FSTL5: variants seen among roughly 807,000 people sequenced by gnomAD.
FSTL5 encodes the protein follistatin-related protein 5.
Under a neutral mutation model 89.1 loss-of-function variants are expected in FSTL5, and 62 were observed. That is an observed-to-expected ratio of 0.70 (90% confidence interval 0.57 to 0.86). The LOEUF (loss-of-function observed/expected upper bound fraction) is 0.86, where lower values mean the gene tolerates loss of function less well. Ranked by LOEUF, FSTL5 falls within the 40% of genes least tolerant of loss-of-function variation. The pLI, the probability that FSTL5 is intolerant of heterozygous loss-of-function variation, is 0.00. For missense variants in FSTL5, 1,057 were observed against 1,001.6 expected (o/e 1.06, Z -0.75); for synonymous variants, 383 against 346.2 (o/e 1.11, Z -1.18).
intron 10 of FSTL5, among the ~76,000 whole-genome samples, chr4:161,516,856 G>T (rs1412437301): frequency 6.7e-6 from 1 of 150,334 alleles, no homozygotes; most frequent in Non-Finnish European, 1.5e-5. Context: ...AAGACTTTTT[G>T]AATCTCTTTA....
chr4:162,009,949 T>C (rs1157593098), intron 3 of FSTL5, among the ~76,000 whole-genome samples: 1 of 151,552 alleles, frequency 6.6e-6, no homozygotes, highest in Admixed American at 6.6e-5. Flanking sequence ...CTTGGTTTAT[T>C]TTTTGTTTGC....
intron 13 of FSTL5, among the ~76,000 whole-genome samples, chr4:161,476,716 A>G: frequency 6.6e-6 from 1 of 152,196 alleles, no homozygotes; most frequent in Non-Finnish European, 1.5e-5. Context: ...GAAAAATGAA[A>G]GAGGAGTATA....
intron 3 of FSTL5, among the ~76,000 whole-genome samples, chr4:161,976,791 AG>A (rs1735662664): frequency 6.6e-6 from 1 of 151,920 alleles, no homozygotes; most frequent in African/African-American, 2.4e-5. Flanking sequence ...AGGTGCAGTT[AG>A]GTTTTATAAG....
At chr4:162,000,574 G>A (rs1578934806) in intron 3 of FSTL5, among the ~76,000 whole-genome samples, 1 of 151,378 alleles carries the variant, frequency 6.6e-6, no homozygotes, top group Admixed American at 6.6e-5. Flanking sequence ...CTCCAGCCTG[G>A]GTGACAGAGC....
intron 4 of FSTL5, among the ~76,000 whole-genome samples, chr4:161,900,982 C>T (rs550391782): frequency 2.0e-5 from 3 of 151,994 alleles, no homozygotes; most frequent in African/African-American, 7.2e-5. Flanking sequence ...CTCTAGTAAA[C>T]TCGGTCATTT....
chr4:161,517,242 A>C (rs1362138507), intron 10 of FSTL5, among the ~76,000 whole-genome samples: 2 of 152,150 alleles, frequency 1.3e-5, no homozygotes, highest in African/African-American at 2.4e-5. Context: ...AAGACTTTGG[A>C]CTAAATAACT....
chr4:162,062,730 T>C (rs1282413913), intron 2 of FSTL5, among the ~76,000 whole-genome samples: 8 of 151,212 alleles, frequency 5.3e-5, no homozygotes, highest in Non-Finnish European at 1.2e-4. Context: ...ATGTTAAAAA[T>C]ATATATATGT....
chr4:161,933,995 C>A (rs975833485), intron 3 of FSTL5, among the ~76,000 whole-genome samples: 1 of 151,962 alleles, frequency 6.6e-6, no homozygotes, highest in Admixed American at 6.6e-5. Flanking sequence ...CTAATAACTA[C>A]CATTTTTCTA....
intron 7 of FSTL5, among the ~76,000 whole-genome samples, chr4:161,638,834 C>G (rs1387659850): frequency 7.5e-6 from 1 of 133,078 alleles, no homozygotes; most frequent in Non-Finnish European, 1.6e-5. Flanking sequence ...GGATGCAAGG[C>G]TGGTTCAATA....
intron 2 of FSTL5, among the ~76,000 whole-genome samples, chr4:162,090,457 C>T (rs539316368): frequency 4.6e-5 from 7 of 152,090 alleles, no homozygotes; most frequent in South Asian, 4.2e-4. Flanking sequence ...CAAAAAAAGA[C>T]GTGGATGCAC....
chr4:162,063,767 G>A (rs1260482866), intron 2 of FSTL5, among the ~76,000 whole-genome samples: 4 of 151,824 alleles, frequency 2.6e-5, no homozygotes, highest in African/African-American at 9.7e-5. Flanking sequence ...TGACAATAAT[G>A]CTTCTTCAGG....
chr4:162,124,230 A>G (rs1251312317), intron 1 of FSTL5, among the ~76,000 whole-genome samples: 1 of 152,218 alleles, frequency 6.6e-6, no homozygotes, highest in African/African-American at 2.4e-5. Context: ...CATTGAATTT[A>G]AGAAACACAG....
rs1037799918 is a variant in FSTL5 at position 161,936,406 on chromosome 4, TA to T, written c.161-15755del. On this transcript the variant is annotated intron_variant, in intron 3 of 15. Coordinates refer to ENST00000306100, the MANE Select transcript of FSTL5 (RefSeq NM_020116.5). ...ATCTTCTTAAACCCTTTGAGACAAC[TA>T]AAAATACTTTAAAATAGATCTGCAA... Among the ~76,000 whole-genome samples, 17 of 152,208 alleles carry T rather than the reference TA, an allele frequency of 1.1e-4. No individual in the cohort carries two copies. In the East Asian group the frequency reaches 2.1e-3, roughly 19 times the overall value.
chr4:161,552,474 T>C (rs1732249986), intron 8 of FSTL5: 1 of 151,686 alleles, frequency 6.6e-6, no homozygotes. Context: ...ATATATATTA[T>C]ATGGGCCACT....
intron 4 of FSTL5, among the ~76,000 whole-genome samples, chr4:161,900,638 C>CAAAAAAAAAAAAA (rs58702301): frequency 1.5e-5 from 1 of 65,314 alleles, no homozygotes; most frequent in Non-Finnish European, 2.8e-5. Flanking sequence ...GACTCCATCT[C>CAAAAAAAAAAAAA]AAAAAAAAAA....
intron 6 of FSTL5, among the ~76,000 whole-genome samples, chr4:161,756,234 G>A (rs28386922): frequency 2.3e-4 from 35 of 152,006 alleles, no homozygotes; most frequent in African/African-American, 8.4e-4. Flanking sequence ...CATTGTTATA[G>A]GATAGTTTTG....
chr4:161,888,493 G>A (rs1023659302), intron 4 of FSTL5, among the ~76,000 whole-genome samples: 2 of 152,124 alleles, frequency 1.3e-5, no homozygotes, highest in East Asian at 1.9e-4. Context: ...ACAGCAAGTA[G>A]CATACTTGAC....
chr4:161,469,833 G>A (rs1178252724), intron 13 of FSTL5, among the ~76,000 whole-genome samples: 4 of 151,776 alleles, frequency 2.6e-5, no homozygotes, highest in East Asian at 3.9e-4. Flanking sequence ...TAGTAGAGAC[G>A]GAGTTTCACC....
intron 6 of FSTL5, among the ~76,000 whole-genome samples, chr4:161,688,018 C>T (rs562150159): frequency 2.0e-5 from 3 of 152,180 alleles, no homozygotes; most frequent in Non-Finnish European, 4.4e-5. Context: ...TCTTTTGCAG[C>T]GTCCTAAACT....
Sources: allele counts gnomAD v4.1 joint callset (sites outside exome capture counted in the v4.1 genomes callset), GRCh38; gene constraint gnomAD v4.1.1; transcripts MANE v1.5; gene names NCBI Gene and HGNC (gene_info 2026-07-23, HGNC 2026-07-21).